Variants in GRIN2D observed in about 807,000 individuals in gnomAD.
GRIN2D encodes the protein glutamate receptor ionotropic, NMDA 2D.
In GRIN2D, 37 loss-of-function variants were observed where a neutral mutation model predicts 103.2. The observed-to-expected ratio is 0.36, with a 90% confidence interval of 0.28 to 0.47. The LOEUF (loss-of-function observed/expected upper bound fraction) is 0.47. Among genes scored for constraint, GRIN2D ranks in the 20% least tolerant of loss-of-function variants. The probability of loss-of-function intolerance (pLI) is 1.00; values close to 1 mark genes in which losing one functional copy is unlikely to be tolerated. For missense variants in GRIN2D, 1,557 were observed against 1,910.6 expected (o/e 0.81, Z 3.45); for synonymous variants, 845 against 885.6 (o/e 0.95, Z 0.81).
chr19:48,426,375 G>A (rs1372558072), intron 11 of GRIN2D, among the ~76,000 whole-genome samples: 1 of 150,526 alleles, frequency 6.6e-6, no homozygotes, highest in Admixed American at 6.6e-5. Context: ...ACAGGCGCCT[G>A]CCACCACGCC....
intron 4 of GRIN2D, among the ~76,000 whole-genome samples, chr19:48,410,861 G>A (rs984555732): frequency 6.6e-6 from 1 of 152,096 alleles, no homozygotes; most frequent in Non-Finnish European, 1.5e-5. Flanking sequence ...GCTGGGTAGC[G>A]GGAGGGAGGA....
chr19:48,401,243 A>G (rs1252782012), intron 3 of GRIN2D, among the ~76,000 whole-genome samples: 1 of 151,442 alleles, frequency 6.6e-6, no homozygotes, highest in African/African-American at 2.4e-5. Flanking sequence ...ATTCCTAGGG[A>G]ATACAGTTCT....
intron 4 of GRIN2D, among the ~76,000 whole-genome samples, chr19:48,409,366 C>T (rs1490224127): frequency 6.7e-6 from 1 of 150,354 alleles, no homozygotes; most frequent in African/African-American, 2.5e-5. Context: ...GCAACCTCCA[C>T]CTCCTGGATT....
Position 48,398,816 on chromosome 19 carries a change from G to C in GRIN2D, c.424G>C (p.Val142Leu). 7.0e-7 allele frequency: 1 copy of C among 1,437,336 alleles called. No individual in the cohort carries two copies. The highest frequency in any genetic ancestry group is 9.1e-7 in the Non-Finnish European group (1 of 1,098,594). The allele number at this position is 1,437,336 out of a possible 1,614,324, so 89.0% of individuals were successfully genotyped here. Residue 142 changes from valine to leucine, a missense_variant, in exon 3 of 14, where the codon GTG (valine) becomes CTG (leucine). Coordinates refer to ENST00000263269, the MANE Select transcript of GRIN2D (RefSeq NM_000836.4). ...FLSAQTSLPI[V>L]AVHGGAALVL... ...GTCGGCGCAGACCTCGCTGCCCATC[G>C]TGGCCGTGCACGGCGGCGCCGCGCT... is the stretch of plus-strand genomic sequence containing the variant.
intron 3 of GRIN2D, among the ~76,000 whole-genome samples, chr19:48,399,973 G>A (rs1297737669): frequency 6.6e-6 from 1 of 152,140 alleles, no homozygotes; most frequent in African/African-American, 2.4e-5. Context: ...TTGAGAAGGG[G>A]CATACCCCGC....
chr19:48,425,101 C>A (rs778015156), intron 11 of GRIN2D, among the ~76,000 whole-genome samples: 2 of 152,072 alleles, frequency 1.3e-5, no homozygotes, highest in Admixed American at 6.6e-5. Flanking sequence ...TCACTTGCGC[C>A]TTCCTCAGAA....
chr19:48,443,453 C>T lies in GRIN2D; in HGVS notation c.3527C>T (p.Ala1176Val), dbSNP rs1345661562. 3 of 1,380,526 alleles carry T rather than the reference C, an allele frequency of 2.2e-6. No individual in the cohort carries two copies. Among genetic ancestry groups the T allele is most frequent in the South Asian group, 1.6e-5 (1 of 63,240 alleles). 85.5% of individuals were successfully genotyped at this position (1,380,526 alleles called of 1,614,324 possible). ...TACCTGCCCCCGCGCAGCGGTCCGG[C>T]CGCCTGGCACTGTCGGCACTGCGCC... is the stretch of plus-strand genomic sequence containing the variant. Reference protein sequence around the residue: ...WDYLPPRSGPAAWHCRHCASL... With the variant: ...WDYLPPRSGPVAWHCRHCASL... The change falls in exon 14 of 14, where the codon GCC becomes GTC. Residue 1176 changes from alanine (A) to valine (V), a missense_variant. By Grantham distance (64) the Ala-to-Val change is moderately conservative. Around this residue, in one of 7 missense-constraint regions of GRIN2D, gnomAD observed 632 missense variants for 572.8 expected, o/e 1.10. Coordinates refer to ENST00000263269, the MANE Select transcript of GRIN2D (RefSeq NM_000836.4). The surrounding 1 kb of genome is among the most constrained non-coding windows in gnomAD (Gnocchi z 8.9).
Position 48,416,139 on chromosome 19 carries a change from C to T in GRIN2D, c.1719C>T (p.Ser573=). The T allele has an allele frequency of 6.2e-7, 1 of 1,613,814 alleles. No homozygotes were observed. Among genetic ancestry groups the T allele is most frequent in the South Asian group, 1.1e-5 (1 of 91,070 alleles). The change falls in exon 8 of 14, where the codon TCC becomes TCT. Residue 573 remains serine (S), a synonymous_variant. Transcript: ENST00000263269. The part of the protein sequence containing the change: ...VMVARSNGTV[S]PSAFLEPYSP... The stretch of plus-strand genomic sequence containing the variant: ...TGGCGCGCAGCAATGGCACGGTGTC[C>T]CCCTCGGCCTTCCTCGGTAATCTGG...
chr19:48,396,808 T>C (rs2147432225), intron 2 of GRIN2D, among the ~76,000 whole-genome samples: 1 of 152,034 alleles, frequency 6.6e-6, no homozygotes, highest in East Asian at 1.9e-4. Context: ...GGACGAGGCC[T>C]GCGCTACCAT....
intron 11 of GRIN2D, among the ~76,000 whole-genome samples, chr19:48,427,396 T>C (rs1324135811): frequency 6.6e-6 from 1 of 151,576 alleles, no homozygotes; most frequent in Non-Finnish European, 1.5e-5. Flanking sequence ...TCATCAGCAA[T>C]GCAAGAGAGT....
chr19:48,421,767 C>T lies in GRIN2D; in HGVS notation c.2092-18C>T. On this transcript the variant is annotated intron_variant, in intron 10 of 13. Coordinates refer to ENST00000263269, the MANE Select transcript of GRIN2D (RefSeq NM_000836.4). This position sits in a 1 kb window ranked among gnomAD's most constrained non-coding sequence, Gnocchi z 4.8. ...GTCCCTGCGGAGGGTGCCCTAATCA[C>T]TCCCCATTCTGCCCCAGTTCCAGAG... 2 of 1,610,960 alleles carry T rather than the reference C, an allele frequency of 1.2e-6. No individual in the cohort carries two copies. Among genetic ancestry groups the T allele is most frequent in the South Asian group, 2.2e-5 (2 of 90,954 alleles).
At position 48,438,289 on chromosome 19, in the gene GRIN2D, T is replaced by TTTTTTTTTTTTTG. The variant is rs1971254623; in HGVS notation, c.2253-3468_2253-3467insGTTTTTTTTTTTT. On this transcript the variant is annotated intron_variant, in intron 11 of 13. Coordinates refer to ENST00000263269, the MANE Select transcript of GRIN2D (RefSeq NM_000836.4). ...TCTTCAACTCAGCATCCAGCCGCCT[T>TTTTTTTTTTTTTG]TTTTTTTTTTTTTTTTTTTTTTTTT... is the stretch of plus-strand genomic sequence containing the variant. Among the ~76,000 whole-genome samples, 136 of 15,450 alleles carry TTTTTTTTTTTTTG rather than the reference T, an allele frequency of 8.8e-3. 6 individuals are homozygous for TTTTTTTTTTTTTG. The highest frequency in any genetic ancestry group is 0.024 in the African/African-American group (131 of 5,568). The allele number at this position is 15,450 out of a possible 152,430, so 10.1% of individuals were successfully genotyped here. A position where few individuals can be genotyped will look rare whatever the true frequency, so the allele number is the denominator to read the frequency against.
chr19:48,426,224 C>CTTTTTTTTTTTTTTTTT (rs369360320), intron 11 of GRIN2D, among the ~76,000 whole-genome samples: 91 of 120,082 alleles, frequency 7.6e-4, no homozygotes, highest in Middle Eastern at 4.3e-3. Flanking sequence ...TTCTTTCTTT[C>CTTTTTTTTTTTTTTTTT]TTTTTTTTTT....
At chr19:48,399,604 G>A (rs1279330756) in intron 3 of GRIN2D, among the ~76,000 whole-genome samples, 1 of 152,136 alleles carries the variant, frequency 6.6e-6, no homozygotes, top group Non-Finnish European at 1.5e-5. Flanking sequence ...AGAAAGAAAG[G>A]GGCGAAGTCT....
At chr19:48,402,166 A>AAGAAAGAAAGAGAG (rs748167336) in intron 3 of GRIN2D, among the ~76,000 whole-genome samples, 4 of 80,032 alleles carry the variant, frequency 5.0e-5, no homozygotes, top group African/African-American at 1.8e-4. Flanking sequence ...GAAAGAAAGA[A>AAGAAAGAAAGAGAG]AGAGAGAAAA....
At chr19:48,412,482 A>G (rs528887452) in intron 4 of GRIN2D, among the ~76,000 whole-genome samples, 3 of 149,700 alleles carry the variant, frequency 2.0e-5, no homozygotes, top group South Asian at 4.3e-4. Context: ...AGAAAGAAAG[A>G]GAGAGAAAGA....
chr19:48,404,662 G>A, intron 3 of GRIN2D, 72 bp from the exon 4 acceptor site: 1 of 1,432,238 alleles, frequency 7.0e-7, no homozygotes, highest in Non-Finnish European at 9.4e-7. Flanking sequence ...GGGAGCTGTG[G>A]TCCCCTTATT....
chr19:48,418,421 G>GT (rs1283972339), intron 8 of GRIN2D, among the ~76,000 whole-genome samples: 1 of 152,104 alleles, frequency 6.6e-6, no homozygotes, highest in African/African-American at 2.4e-5. Context: ...CAGGGACTTT[G>GT]TCCTGGGGGT....
chr19:48,443,066 G>T lies in GRIN2D; in HGVS notation c.3140G>T (p.Arg1047Leu), dbSNP rs1275513628. The T allele has an allele frequency of 2.9e-6, 3 of 1,045,312 alleles. No individual in the cohort carries two copies. The highest frequency in any genetic ancestry group is 3.5e-6 in the Non-Finnish European group (3 of 869,560). 64.8% of individuals were successfully genotyped at this position (1,045,312 alleles called of 1,614,324 possible). ...ACCGCCGTCGGGCCGCCACTCTGCC[G>T]CTTGGCCTTCGAGGACGAGAGCCCG... ...AATAVGPPLC[R>L]LAFEDESPPA... The change falls in exon 14 of 14, where the codon CGC becomes CTC. Residue 1047 changes from arginine to leucine, a missense_variant. Transcript: ENST00000263269. This position sits in a 1 kb window ranked among gnomAD's most constrained non-coding sequence, Gnocchi z 8.9.
Sources: allele counts gnomAD v4.1 joint callset (sites outside exome capture counted in the v4.1 genomes callset), GRCh38; gene constraint gnomAD v4.1.1; regional missense constraint gnomAD v4.1.1; non-coding constraint Gnocchi (gnomAD v3.1); transcripts MANE v1.5; gene names NCBI Gene and HGNC (gene_info 2026-07-23, HGNC 2026-07-21).